Variants in CLVS1 observed in about 807,000 individuals in gnomAD.
The protein encoded by CLVS1 is clavesin 1.
A neutral mutation model predicts 33.1 loss-of-function variants in CLVS1; 10 were observed. That is an observed-to-expected ratio of 0.30 (90% CI 0.19 to 0.51). CLVS1 has a LOEUF of 0.51. Ranked by LOEUF, CLVS1 falls within the 20% of genes least tolerant of loss-of-function variation. The pLI, the probability that CLVS1 is intolerant of heterozygous loss-of-function variation, is 0.97. For missense variants in CLVS1, 343 were observed against 433.4 expected, an observed-to-expected ratio of 0.79 and a Z score of 1.85; for synonymous variants, 163 against 166.1, an observed-to-expected ratio of 0.98 and a Z score of 0.14.
intron 1 of CLVS1, among the ~76,000 whole-genome samples, chr8:61,108,261 T>C (rs1410448482): frequency 6.6e-6 from 1 of 150,488 alleles, no homozygotes; most frequent in Non-Finnish European, 1.5e-5. Flanking sequence ...TCTGCCCTCA[T>C]GGGTCCTATA....
chr8:61,066,593 C>T (rs1259801199), intron 1 of CLVS1, among the ~76,000 whole-genome samples: 9 of 152,200 alleles, frequency 5.9e-5, no homozygotes, highest in Admixed American at 6.5e-5. Flanking sequence ...TACCCCACCT[C>T]CTCCCAATAC....
At chr8:61,266,555 T>A (rs1809307030) in intron 2 of CLVS1, among the ~76,000 whole-genome samples, 1 of 152,122 alleles carries the variant, frequency 6.6e-6, no homozygotes, top group African/African-American at 2.4e-5. Context: ...CCACATCTAT[T>A]TGGATCCTGT....
intron 2 of CLVS1, among the ~76,000 whole-genome samples, chr8:61,155,390 TATTA>T (rs969361137): frequency 1.3e-5 from 2 of 152,198 alleles, no homozygotes; most frequent in African/African-American, 4.8e-5. Context: ...GGATGGCAAC[TATTA>T]ATTAGTACTA....
intron 2 of CLVS1, among the ~76,000 whole-genome samples, chr8:61,146,381 A>G (rs762455429): frequency 2.6e-5 from 4 of 152,208 alleles, no homozygotes; most frequent in Non-Finnish European, 4.4e-5. Flanking sequence ...AGGGGTTCCA[A>G]TTGATACTGG....
intron 1 of CLVS1, among the ~76,000 whole-genome samples, chr8:61,126,359 G>A (rs1006269801): frequency 6.6e-6 from 1 of 152,168 alleles, no homozygotes; most frequent in African/African-American, 2.4e-5. Flanking sequence ...CAAAGAAAGC[G>A]GAAGGCAACT....
intron 2 of CLVS1, among the ~76,000 whole-genome samples, chr8:61,233,522 AAAG>A (rs1325637270): frequency 6.7e-4 from 101 of 151,526 alleles, no homozygotes; most frequent in Non-Finnish European, 1.3e-3. Context: ...AAAAAAAAAA[AAAG>A]AAAGAAAAAG....
intron 2 of CLVS1, among the ~76,000 whole-genome samples, chr8:61,208,526 T>TA (rs1807904070): frequency 1.3e-5 from 2 of 152,338 alleles, no homozygotes; most frequent in Admixed American, 1.3e-4. Context: ...CAACAGATTA[T>TA]AAAAATTATC....
chr8:61,146,811 C>T (rs1806427818), intron 2 of CLVS1, among the ~76,000 whole-genome samples: 1 of 152,224 alleles, frequency 6.6e-6, no homozygotes, highest in Non-Finnish European at 1.5e-5. Context: ...TATCTGTCTG[C>T]ATCCATACAC....
intron 2 of CLVS1, among the ~76,000 whole-genome samples, chr8:61,280,791 T>C (rs1210441615): frequency 2.0e-5 from 3 of 152,102 alleles, no homozygotes; most frequent in African/African-American, 7.2e-5. Flanking sequence ...CATTAATTAT[T>C]TTTTTTGTGT....
intron 2 of CLVS1, among the ~76,000 whole-genome samples, chr8:61,307,607 AT>A (rs1810676393): frequency 6.6e-6 from 1 of 152,194 alleles, no homozygotes; most frequent in Non-Finnish European, 1.5e-5. Context: ...ATGCAAAAAA[AT>A]TCTTTATGAA....
At chr8:61,112,439 G>A (rs1469709991) in intron 1 of CLVS1, among the ~76,000 whole-genome samples, 2 of 152,132 alleles carry the variant, frequency 1.3e-5, no homozygotes, top group Non-Finnish European at 2.9e-5. Context: ...CTAAGATTTT[G>A]TATCAGAGCT....
chr8:61,369,283 C>A (rs1247940925), intron 2 of CLVS1, among the ~76,000 whole-genome samples: 3 of 152,312 alleles, frequency 2.0e-5, no homozygotes, highest in South Asian at 2.1e-4. Context: ...CATTAGCACA[C>A]TTCTTGAATC....
intron 2 of CLVS1, among the ~76,000 whole-genome samples, chr8:61,192,917 T>G (rs1217940066): frequency 6.6e-6 from 1 of 152,224 alleles, no homozygotes; most frequent in East Asian, 1.9e-4. Context: ...TTTACACTGT[T>G]GGTGGAACTG....
At chr8:61,262,284 G>A (rs1019765017) in intron 2 of CLVS1, among the ~76,000 whole-genome samples, 2 of 152,000 alleles carry the variant, frequency 1.3e-5, no homozygotes, top group African/African-American at 4.8e-5. Flanking sequence ...TGGACTAGTG[G>A]GGATTACAGA....
chr8:61,498,429 T>TGTAA (rs1431902318), intron 5 of CLVS1, among the ~76,000 whole-genome samples: 6 of 152,250 alleles, frequency 3.9e-5, no homozygotes, highest in African/African-American at 1.4e-4. Context: ...TGCACATATA[T>TGTAA]GTAAGTTTTA....
At chr8:61,263,886 C>A (rs1480296230) in intron 2 of CLVS1, among the ~76,000 whole-genome samples, 1 of 152,188 alleles carries the variant, frequency 6.6e-6, no homozygotes, top group African/African-American at 2.4e-5. Context: ...TAGTAAACTG[C>A]AACGTGTTCC....
intron 2 of CLVS1, among the ~76,000 whole-genome samples, chr8:61,149,783 G>A (rs958006031): frequency 6.6e-6 from 1 of 152,032 alleles, no homozygotes; most frequent in African/African-American, 2.4e-5. Flanking sequence ...AGAGAGTATT[G>A]TAGCCCAAAA....
At position 61,334,712 on chromosome 8, in the gene CLVS1, G is replaced by A. The variant is rs528601795; in HGVS notation, c.455+34430G>A. Among the ~76,000 whole-genome samples the A allele has an allele frequency of 4.6e-5, 7 of 152,322 alleles. No homozygotes were observed. The East Asian group carries it at 1.2e-3, about 25-fold the overall frequency. ...GGAGAGGCACTTTCCACTGAGGGGA[G>A]GGGTGGGCAGCTGAGCTGGGTCTTA... is the stretch of plus-strand genomic sequence containing the variant. On this transcript the variant is annotated intron_variant, in intron 2 of 5. Coordinates refer to ENST00000325897, the MANE Select transcript of CLVS1 (RefSeq NM_173519.3).
chr8:61,013,385 A>G, the CLVS1 span, among the ~76,000 whole-genome samples: 1 of 152,298 alleles, frequency 6.6e-6, no homozygotes, highest in South Asian at 2.1e-4. Flanking sequence ...TGTACCTCAG[A>G]CAATGCTGGC....
Sources: allele counts gnomAD v4.1 joint callset (sites outside exome capture counted in the v4.1 genomes callset), GRCh38; gene constraint gnomAD v4.1.1; transcripts MANE v1.5; gene names NCBI Gene and HGNC (gene_info 2026-07-23, HGNC 2026-07-21).